The following PREX2 variants were observed in gnomAD, a reference collection of about 807,000 sequenced individuals.
PREX2 encodes phosphatidylinositol-3,4,5-trisphosphate dependent Rac exchange factor 2, also known as phosphatidylinositol 3,4,5-trisphosphate-dependent Rac exchanger 2 protein.
Under a neutral mutation model 203.2 loss-of-function variants are expected in PREX2, and 107 were observed. That is an observed-to-expected ratio of 0.53 (90% CI 0.45 to 0.62). PREX2 has a LOEUF of 0.62. Ranked by LOEUF, PREX2 falls within the 20% of genes least tolerant of loss-of-function variation. The pLI is 0.00. For missense variants in PREX2, 1,777 were observed against 1,955.9 expected (o/e 0.91, Z 1.72); for synonymous variants, 672 against 663.6 (o/e 1.01, Z -0.19).
At chr8:68,101,443 C>T (rs1263015064) in intron 23 of PREX2, 2 of 518,702 alleles carry the variant, frequency 3.9e-6, no homozygotes, top group African/African-American at 3.9e-5. Flanking sequence ...GGTTACCTGC[C>T]ACATTTGTTA....
At chr8:68,014,939 C>A (rs1807371524) in intron 1 of PREX2, among the ~76,000 whole-genome samples, 1 of 152,112 alleles carries the variant, frequency 6.6e-6, no homozygotes, top group Non-Finnish European at 1.5e-5. Flanking sequence ...AAGTCTTAAA[C>A]ACAAGAAAAA....
chr8:68,147,273 G>A (rs1264350867), intron 34 of PREX2, among the ~76,000 whole-genome samples: 1 of 152,134 alleles, frequency 6.6e-6, no homozygotes, highest in Non-Finnish European at 1.5e-5. Context: ...GAATGGACAG[G>A]CATATGAAAT....
chr8:68,073,674 C>T (rs1164123395), intron 14 of PREX2, among the ~76,000 whole-genome samples: 1 of 152,164 alleles, frequency 6.6e-6, no homozygotes, highest in East Asian at 1.9e-4. Context: ...GCTTTTCTAG[C>T]ATCAGAGCCT....
At chr8:68,223,411 TA>T (rs1585874842) in intron 38 of PREX2, 2 of 152,376 alleles carry the variant, frequency 1.3e-5, no homozygotes, top group East Asian at 3.9e-4. Context: ...TCAATTGAGA[TA>T]ACTGCTTTTG....
At chr8:68,146,448 T>C in intron 34 of PREX2, 96 bp downstream of exon 34, 1 of 1,125,678 alleles carries the variant, frequency 8.9e-7, no homozygotes, top group Non-Finnish European at 1.3e-6. Context: ...GATTTTTAAA[T>C]TAATTTGAAA....
Position 68,183,341 on chromosome 8 carries a change from T to A in PREX2, c.4347-8381T>A, listed in dbSNP as rs1812122627. Among the ~76,000 whole-genome samples the A allele has an allele frequency of 2.6e-5, 4 of 152,178 alleles. No individual in the cohort carries two copies. In the South Asian group the frequency reaches 8.3e-4, roughly 32 times the overall value. On this transcript the variant is annotated intron_variant, in intron 35 of 39. Transcript: ENST00000288368. ...TCTTTGGTATGAAAATGCAGAATTA[T>A]CTTGAAACACAATTATCAAATGAAA...
chr8:68,135,008 G>A (rs1281266464), intron 32 of PREX2, among the ~76,000 whole-genome samples: 1 of 152,120 alleles, frequency 6.6e-6, no homozygotes, highest in Non-Finnish European at 1.5e-5. Flanking sequence ...GAATAGAACT[G>A]TGATTTTAAA....
At chr8:67,973,666 A>G (rs1805988391) in intron 1 of PREX2, among the ~76,000 whole-genome samples, 2 of 152,142 alleles carry the variant, frequency 1.3e-5, no homozygotes, top group African/African-American at 4.8e-5. Context: ...GGTAACGCAT[A>G]TCTTAGCACT....
intron 11 of PREX2, among the ~76,000 whole-genome samples, chr8:68,061,569 G>A (rs541024937): frequency 3.3e-5 from 5 of 152,264 alleles, no homozygotes; most frequent in South Asian, 4.1e-4. Context: ...GGGAGATGCT[G>A]GCAAAGCTAC....
At chr8:68,084,850 C>T (rs1011370578) in intron 18 of PREX2, among the ~76,000 whole-genome samples, 3 of 152,112 alleles carry the variant, frequency 2.0e-5, no homozygotes, top group African/African-American at 7.2e-5. Context: ...GCAATCATTA[C>T]GTCCTCCCTA....
At chr8:67,996,738 A>G (rs1320529083) in intron 1 of PREX2, among the ~76,000 whole-genome samples, 3 of 152,140 alleles carry the variant, frequency 2.0e-5, no homozygotes, top group Non-Finnish European at 4.4e-5. Context: ...ATAATTTTCT[A>G]TCATTTCTTT....
At chr8:67,967,065 TTCAC>T (rs1295144281) in intron 1 of PREX2, among the ~76,000 whole-genome samples, 1 of 152,248 alleles carries the variant, frequency 6.6e-6, no homozygotes, top group Non-Finnish European at 1.5e-5. Context: ...AAAGCAGGCA[TTCAC>T]TCTTTTCTGT....
At chr8:68,078,496 CAT>C (rs1444275398) in intron 15 of PREX2, among the ~76,000 whole-genome samples, 3 of 152,138 alleles carry the variant, frequency 2.0e-5, no homozygotes, top group African/African-American at 4.8e-5. Context: ...TGCTTATAAA[CAT>C]ATATTTGATA....
chr8:68,030,714 G>C, intron 6 of PREX2, 56 bp downstream of exon 6: 2 of 1,547,642 alleles, frequency 1.3e-6, no homozygotes, highest in Non-Finnish European at 1.8e-6. Context: ...TGCAGGCCTC[G>C]TGCAGAATTA....
rs138513280 is a variant in PREX2 at position 68,088,408 on chromosome 8, A to G, written c.2113+599A>G. On this transcript the variant is annotated intron_variant, in intron 19 of 39. Coordinates refer to ENST00000288368, the MANE Select transcript of PREX2 (RefSeq NM_024870.4). ...AATAACTGTCAGATCCCACATTACTAAACATAGTAAGTAACTTGCGCCTAT... is the reference window on the plus strand; with the variant it reads ...AATAACTGTCAGATCCCACATTACTGAACATAGTAAGTAACTTGCGCCTAT... Among the ~76,000 whole-genome samples the G allele has an allele frequency of 1.0e-3, 159 of 152,350 alleles. 1 individual carries two copies. Among genetic ancestry groups the G allele is most frequent in the African/African-American group, 3.6e-3 (151 of 41,586 alleles).
At chr8:68,114,216 A>G (rs1810596046) in intron 25 of PREX2, 1 of 439,962 alleles carries the variant, frequency 2.3e-6, no homozygotes. Flanking sequence ...AGTGCATGGT[A>G]TAATAAATGT....
chr8:68,119,269 G>A (rs1436339866), intron 27 of PREX2, among the ~76,000 whole-genome samples, 163 bp from the exon 28 acceptor site: 2 of 152,188 alleles, frequency 1.3e-5, no homozygotes, highest in Non-Finnish European at 2.9e-5. Flanking sequence ...CATCCCAGGA[G>A]CTATGAAATC....
At chr8:67,959,319 C>T (rs1186176591) in intron 1 of PREX2, among the ~76,000 whole-genome samples, 1 of 152,050 alleles carries the variant, frequency 6.6e-6, no homozygotes, top group Non-Finnish European at 1.5e-5. Flanking sequence ...GTTTTAGCTT[C>T]AGTAGAGCGT....
Position 68,083,223 on chromosome 8 carries a change from T to C in PREX2, c.1879-17T>C. ...TTAAAATATACTTTGACTTATTTTT[T>C]GTAATTTCTCTCTTAGATGGCTGGC... On this transcript the variant is annotated splice_polypyrimidine_tract_variant and intron_variant, in intron 17 of 39. Transcript: ENST00000288368. 1 of 1,552,888 alleles carries C rather than the reference T, an allele frequency of 6.4e-7. No individual in the cohort carries two copies. The highest frequency in any genetic ancestry group is 1.4e-5 in the African/African-American group (1 of 72,698).
Sources: gnomAD v4.1 joint callset for allele counts (sites outside exome capture counted in the v4.1 genomes callset) on GRCh38, gnomAD v4.1.1 for gene constraint, MANE v1.5 for transcripts, NCBI Gene and HGNC (gene_info 2026-07-23, HGNC 2026-07-21) for gene names.